TMEM245: variants seen among roughly 807,000 people sequenced by gnomAD.
TMEM245 encodes transmembrane protein 245, also known as protein CG-2.
TMEM245 carries 69 observed loss-of-function variants against 101.2 expected under a neutral mutation model. The observed-to-expected ratio is 0.68, with a 90% CI of 0.56 to 0.83. The LOEUF is 0.83. TMEM245 is among the 40% of genes least tolerant of loss of function. The pLI, the probability that TMEM245 is intolerant of heterozygous loss-of-function variation, is 0.00. For missense variants in TMEM245, 1,075 were observed against 1,092.8 expected, an observed-to-expected ratio of 0.98 and a Z score of 0.23; for synonymous variants, 537 against 449.8, an observed-to-expected ratio of 1.19 and a Z score of -2.45.
chr9:109,101,316 G>A (rs117560676), intron 3 of TMEM245, among the ~76,000 whole-genome samples: 1,613 of 152,048 alleles, frequency 0.011, 15 homozygotes, highest in Non-Finnish European at 0.015. Context: ...GTGATACAAC[G>A]GGACACTGGA....
chr9:109,085,008 TATA>T (rs1588062061), intron 7 of TMEM245, among the ~76,000 whole-genome samples: 1 of 152,236 alleles, frequency 6.6e-6, no homozygotes, highest in Non-Finnish European at 1.5e-5. Flanking sequence ...TAAGGCCTGA[TATA>T]ATATTTCCAC....
chr9:109,098,479 A>AT (rs1215405747), intron 3 of TMEM245, among the ~76,000 whole-genome samples: 5 of 152,092 alleles, frequency 3.3e-5, no homozygotes, highest in Non-Finnish European at 7.4e-5. Flanking sequence ...ACAGATCTGT[A>AT]TTTTAATGAC....
In TMEM245 at chr9:109,087,246, T is replaced by C. The variant is rs751769230; in HGVS notation, c.1247A>G (p.Lys416Arg). 8 of 1,613,854 alleles carry C rather than the reference T, an allele frequency of 5.0e-6. No homozygotes were observed. The highest frequency in any genetic ancestry group is 5.9e-6 in the Non-Finnish European group (7 of 1,179,944). Reference sequence around the variant, plus strand: ...AGGCGCGAGAGCTCCCTGCCGCTCCTTCAGGAAGCTTTCTATAATGCCCCA... The same window carrying C: ...AGGCGCGAGAGCTCCCTGCCGCTCCCTCAGGAAGCTTTCTATAATGCCCCA... ...VWWGIIESFL[K>R]ERQGALAPWP... is the part of the protein sequence containing the mutation. The change falls in exon 6 of 18, where the codon AAG becomes AGG. Residue 416 changes from lysine (K) to arginine (R), a missense_variant. Lys to Arg is a conservative substitution (Grantham distance 26, BLOSUM62 2). Around this residue, in one of 2 missense-constraint regions of TMEM245, gnomAD observed 808 missense variants for 741.5 expected, o/e 1.09. Transcript: ENST00000374586.
chr9:109,103,883 C>T (rs778212860), intron 3 of TMEM245, among the ~76,000 whole-genome samples: 7 of 151,996 alleles, frequency 4.6e-5, no homozygotes, highest in African/African-American at 7.2e-5. Flanking sequence ...ATCAGGAGTT[C>T]GAGACCAGCC....
chr9:109,052,527 T>C (rs1238242734), intron 12 of TMEM245, among the ~76,000 whole-genome samples: 1 of 152,246 alleles, frequency 6.6e-6, no homozygotes, highest in Admixed American at 6.5e-5. Context: ...AGATGTACCA[T>C]TTATAAAGGC....
At chr9:109,068,887 G>A (rs1344071866) in intron 9 of TMEM245, among the ~76,000 whole-genome samples, 1 of 152,188 alleles carries the variant, frequency 6.6e-6, no homozygotes, top group Non-Finnish European at 1.5e-5. Context: ...GGTAGAGGAT[G>A]GGTGTGGCTG....
At chr9:109,030,739 C>T (rs1023826554) in intron 17 of TMEM245, among the ~76,000 whole-genome samples, 4 of 152,142 alleles carry the variant, frequency 2.6e-5, no homozygotes, top group African/African-American at 9.7e-5. Context: ...TCCTTTTATT[C>T]TTTTGGAAAA....
In TMEM245 at chr9:109,067,897, T is replaced by C. The variant is rs181069618; in HGVS notation, c.1533-3330A>G. The stretch of plus-strand genomic sequence containing the variant: ...ATCTTCTCCACTAGGAGTATCTACA[T>C]GAATCCCCTACAAGGTCAACTGCCC... On this transcript the variant is annotated intron_variant, in intron 9 of 17. Coordinates refer to ENST00000374586, the MANE Select transcript of TMEM245 (RefSeq NM_032012.4). 9.9e-5 allele frequency among the ~76,000 whole-genome samples: 15 copies of C among 152,256 alleles called. No homozygotes were observed. The East Asian group carries it at 2.5e-3, about 25-fold the overall frequency.
At position 109,085,996 on chromosome 9, in the gene TMEM245, CCTT is replaced by C. The variant is rs1406667134; in HGVS notation, c.1342_1344del (p.Lys448del). On this transcript the variant is annotated inframe_deletion and splice_region_variant, in exon 7 of 18. Transcript: ENST00000374586. ...AAACCAACATCTGGGTGTTCATTTACCTTCTTATTTAGCCAGTGCCAGAGCTTG... is the reference window on the plus strand; with the variant it reads ...AAACCAACATCTGGGTGTTCATTTACCTTATTTAGCCAGTGCCAGAGCTTG... 2 of 1,613,994 alleles carry C rather than the reference CCTT, an allele frequency of 1.2e-6. No individual in the cohort carries two copies. Among genetic ancestry groups the C allele is most frequent in the Non-Finnish European group, 8.5e-7 (1 of 1,179,958 alleles).
intron 14 of TMEM245, among the ~76,000 whole-genome samples, chr9:109,044,045 C>T (rs1048792889): frequency 1.3e-5 from 2 of 152,180 alleles, no homozygotes; most frequent in Admixed American, 1.3e-4. Flanking sequence ...TCCTCTGCAC[C>T]AGAAGCTTGA....
chr9:109,118,867 C>A (rs892504275), intron 1 of TMEM245, among the ~76,000 whole-genome samples: 1 of 152,172 alleles, frequency 6.6e-6, no homozygotes, highest in African/African-American at 2.4e-5. Flanking sequence ...CCCTAAGTAG[C>A]CCTAGCCTGG....
In TMEM245 at chr9:109,085,965, T is replaced by C. The variant is rs141804272; in HGVS notation, c.1344+32A>G. 68 of 1,611,598 alleles carry C rather than the reference T, an allele frequency of 4.2e-5. No individual in the cohort carries two copies. The African/African-American group carries it at 6.5e-4, about 15-fold the overall frequency. Reference sequence around the variant, plus strand: ...GATACAGGGGCATTACGGAATTCAATAGTAAAAACCAACATCTGGGTGTTC... The same window carrying C: ...GATACAGGGGCATTACGGAATTCAACAGTAAAAACCAACATCTGGGTGTTC... On this transcript the variant is annotated intron_variant, in intron 7 of 17. Transcript: ENST00000374586.
intron 4 of TMEM245, among the ~76,000 whole-genome samples, chr9:109,092,515 T>C (rs1830034426): frequency 6.6e-6 from 1 of 152,248 alleles, no homozygotes; most frequent in African/African-American, 2.4e-5. Context: ...ATTTGGAAAC[T>C]TCATGATGGT....
At chr9:109,059,940 A>T (rs1828959151) in intron 11 of TMEM245, among the ~76,000 whole-genome samples, 1 of 151,984 alleles carries the variant, frequency 6.6e-6, no homozygotes, top group Admixed American at 6.6e-5. Context: ...ATCTTATTAA[A>T]TTTTTTCTAA....
At chr9:109,106,909 C>T (rs555177213) in intron 2 of TMEM245, among the ~76,000 whole-genome samples, 1 of 152,088 alleles carries the variant, frequency 6.6e-6, no homozygotes, top group Non-Finnish European at 1.5e-5. Flanking sequence ...TAAAACCATC[C>T]CGAACTCAAA....
chr9:109,018,993 C>T lies in TMEM245; in HGVS notation c.*1467G>A, dbSNP rs1554716981. On this transcript the variant is annotated 3_prime_UTR_variant, in exon 18 of 18. Transcript: ENST00000374586. ...TCCCTGGGCTCAAGCAATCCACCCACCTCAGCCTTCCAAAGTGCTGGGATT... is the reference window on the plus strand; with the variant it reads ...TCCCTGGGCTCAAGCAATCCACCCATCTCAGCCTTCCAAAGTGCTGGGATT... 6.7e-6 allele frequency: 1 copy of T among 150,246 alleles called. No homozygotes were observed. The highest frequency in any genetic ancestry group is 1.5e-5 in the Non-Finnish European group (1 of 67,970). The allele number at this position is 150,246 out of a possible 1,614,324, so 9.3% of individuals were successfully genotyped here. A position where few individuals can be genotyped will look rare whatever the true frequency, so the allele number is the denominator to read the frequency against.
At chr9:109,119,204 G>C in intron 1 of TMEM245, 131 bp downstream of exon 1, 1 of 834,682 alleles carries the variant, frequency 1.2e-6, no homozygotes. Context: ...GAAGGAAAGC[G>C]GAGACGGACG....
intron 3 of TMEM245, among the ~76,000 whole-genome samples, chr9:109,095,908 G>T (rs1490363977): frequency 6.6e-6 from 1 of 152,126 alleles, no homozygotes; most frequent in Non-Finnish European, 1.5e-5. Flanking sequence ...AGACTAGAGG[G>T]GACCTATAAC....
chr9:109,060,285 A>G, intron 11 of TMEM245, 69 bp downstream of exon 11: 1 of 1,105,764 alleles, frequency 9.0e-7, no homozygotes. Context: ...ATATAATCCT[A>G]TCTAGTTGAT....
Sources: gnomAD v4.1 joint callset for allele counts (sites outside exome capture counted in the v4.1 genomes callset) on GRCh38, gnomAD v4.1.1 for gene constraint, gnomAD v4.1.1 regional missense constraint, MANE v1.5 for transcripts, NCBI Gene and HGNC (gene_info 2026-07-23, HGNC 2026-07-21) for gene names.